SLC4A4: variants seen among roughly 807,000 people sequenced by gnomAD.
SLC4A4 encodes electrogenic sodium bicarbonate cotransporter 1.
A neutral mutation model predicts 111.5 loss-of-function variants in SLC4A4; 27 were observed. The ratio of observed to expected loss-of-function variants is 0.24; its 90% CI spans 0.18 to 0.33. The LOEUF (loss-of-function observed/expected upper bound fraction) is 0.33. SLC4A4 is among the 10% of genes least tolerant of loss of function. The probability of loss-of-function intolerance (pLI) is 1.00; values close to 1 mark genes in which losing one functional copy is unlikely to be tolerated. For synonymous variants in SLC4A4, 443 were observed against 463.4 expected (o/e 0.96, Z 0.57); for missense variants, 909 against 1,315.5 (o/e 0.69, Z 4.78).
At chr4:71,071,465 A>G (rs1433548695) in intron 1 of SLC4A4, among the ~76,000 whole-genome samples, 1 of 152,184 alleles carries the variant, frequency 6.6e-6, no homozygotes, top group Non-Finnish European at 1.5e-5. Flanking sequence ...TAAAGTATTA[A>G]AATATTTTTT....
At position 71,555,126 on chromosome 4, in the gene SLC4A4, T is replaced by C; in HGVS notation, c.2695-14T>C. 6.3e-7 allele frequency: 1 copy of C among 1,581,112 alleles called. No homozygotes were observed. Among genetic ancestry groups the C allele is most frequent in the Non-Finnish European group, 8.7e-7 (1 of 1,150,772 alleles). On this transcript the variant is annotated splice_polypyrimidine_tract_variant and intron_variant, in intron 20 of 25. Coordinates refer to ENST00000264485, the MANE Select transcript of SLC4A4 (RefSeq NM_001098484.3). ...GTTATCATTTTTAAGTTGTATCCATTTTTTTCCTTCTAGTTTATACCCATG... is the reference window on the plus strand; with the variant it reads ...GTTATCATTTTTAAGTTGTATCCATCTTTTTCCTTCTAGTTTATACCCATG...
At chr4:71,502,966 C>A (rs4269148) in intron 16 of SLC4A4, among the ~76,000 whole-genome samples, 43,709 of 151,924 alleles carry the variant, frequency 0.29, 7,537 homozygotes, top group East Asian at 0.51. Context: ...CTGTTTCTCC[C>A]TTTAGATAGA....
chr4:71,112,376 A>T (rs1440185734), intron 2 of SLC4A4, among the ~76,000 whole-genome samples: 2 of 152,198 alleles, frequency 1.3e-5, no homozygotes, highest in Non-Finnish European at 2.9e-5. Flanking sequence ...TGAGTGTGAA[A>T]ATAAATATAG....
chr4:71,090,473 G>A (rs183923678), intron 1 of SLC4A4, among the ~76,000 whole-genome samples: 17 of 152,188 alleles, frequency 1.1e-4, no homozygotes, highest in East Asian at 3.9e-4. Flanking sequence ...GAAATCACCC[G>A]TCTTCTGCAT....
At position 71,513,486 on chromosome 4, in the gene SLC4A4, C is replaced by G. The variant is rs557682845; in HGVS notation, c.2166+15794C>G. Among the ~76,000 whole-genome samples the G allele has an allele frequency of 5.9e-5, 9 of 152,130 alleles. No individual in the cohort carries two copies. In the South Asian group the frequency reaches 1.9e-3, roughly 32 times the overall value. On this transcript the variant is annotated intron_variant, in intron 16 of 25. Transcript: ENST00000264485. ...TTTTGTGTGTTGATTTTGTATCCTG[C>G]AACTGTACTAATTTTTTTAATCAAA...
chr4:71,332,475 C>T (rs1262824256), intron 3 of SLC4A4, among the ~76,000 whole-genome samples: 1 of 143,798 alleles, frequency 7.0e-6, no homozygotes, highest in Non-Finnish European at 1.5e-5. Context: ...GACGGAGTCT[C>T]GTTCTGTCGC....
chr4:71,423,316 C>A (rs957487509), intron 7 of SLC4A4, among the ~76,000 whole-genome samples: 1 of 152,056 alleles, frequency 6.6e-6, no homozygotes, highest in Non-Finnish European at 1.5e-5. Context: ...GAACTACAAA[C>A]CACTGCTCAA....
chr4:71,518,133 T>G (rs1374123823), intron 16 of SLC4A4, among the ~76,000 whole-genome samples: 1 of 151,766 alleles, frequency 6.6e-6, no homozygotes, highest in Non-Finnish European at 1.5e-5. Context: ...GGTGTAGAGT[T>G]TGGGATCATA....
At chr4:71,546,587 C>A (rs2149234728) in intron 19 of SLC4A4, 59 bp downstream of exon 19, 1 of 1,417,420 alleles carries the variant, frequency 7.1e-7, no homozygotes, top group Non-Finnish European at 9.9e-7. Context: ...ATCTATGTGG[C>A]AATCATAAGG....
chr4:71,499,421 C>G (rs534323267), intron 16 of SLC4A4, among the ~76,000 whole-genome samples: 1 of 152,128 alleles, frequency 6.6e-6, no homozygotes, highest in East Asian at 1.9e-4. Flanking sequence ...TATCCATTAC[C>G]TCACATACTT....
chr4:71,177,150 G>A (rs1377090946), intron 2 of SLC4A4, among the ~76,000 whole-genome samples: 2 of 152,102 alleles, frequency 1.3e-5, no homozygotes, highest in African/African-American at 4.8e-5. Context: ...TCACCACCAG[G>A]CCTGCCCTAA....
chr4:71,076,722 G>T (rs1038930050), intron 1 of SLC4A4, among the ~76,000 whole-genome samples: 1 of 152,116 alleles, frequency 6.6e-6, no homozygotes. Flanking sequence ...CAGGCACAGT[G>T]GCTGACACCT....
At chr4:71,420,098 G>A (rs1722283947) in intron 7 of SLC4A4, among the ~76,000 whole-genome samples, 1 of 152,172 alleles carries the variant, frequency 6.6e-6, no homozygotes, top group Non-Finnish European at 1.5e-5. Flanking sequence ...AACAAATTTA[G>A]ACGAATGTAT....
At chr4:71,441,661 C>G (rs1577912173) in intron 8 of SLC4A4, among the ~76,000 whole-genome samples, 1 of 152,090 alleles carries the variant, frequency 6.6e-6, no homozygotes, top group East Asian at 1.9e-4. Context: ...GCATGATTAA[C>G]CAACAGTGTA....
intron 7 of SLC4A4, among the ~76,000 whole-genome samples, chr4:71,420,011 G>T (rs749252734): frequency 5.9e-5 from 9 of 152,256 alleles, no homozygotes; most frequent in Non-Finnish European, 1.2e-4. Context: ...CGAGTTGAGA[G>T]AAGAAGGCTT....
intron 2 of SLC4A4, among the ~76,000 whole-genome samples, chr4:71,121,222 CT>C (rs1168570482): frequency 6.6e-5 from 10 of 151,960 alleles, no homozygotes; most frequent in Non-Finnish European, 1.0e-4. Context: ...TCCCTCCCCC[CT>C]CCCCTTGGCT....
intron 3 of SLC4A4, among the ~76,000 whole-genome samples, chr4:71,295,340 C>G (rs1480583622): frequency 2.6e-5 from 4 of 152,164 alleles, no homozygotes; most frequent in African/African-American, 9.6e-5. Context: ...CCTGGAGCTG[C>G]AAACCCTAGG....
chr4:71,285,834 G>A (rs984407518), intron 3 of SLC4A4, among the ~76,000 whole-genome samples: 2 of 152,046 alleles, frequency 1.3e-5, no homozygotes, highest in African/African-American at 4.8e-5. Flanking sequence ...AACAATTTTT[G>A]TGTAGTGACA....
chr4:71,566,273 C>A (rs62302090), intron 24 of SLC4A4, among the ~76,000 whole-genome samples: 138,121 of 151,708 alleles, frequency 0.91, 63,990 homozygotes, highest in Non-Finnish European at 0.99. Context: ...CTTCATTTTT[C>A]TCCATGGAGC....
Sources: allele counts gnomAD v4.1 joint callset (sites outside exome capture counted in the v4.1 genomes callset), GRCh38; gene constraint gnomAD v4.1.1; transcripts MANE v1.5; gene names NCBI Gene and HGNC (gene_info 2026-07-23, HGNC 2026-07-21).